Variants in ANKDD1A observed in about 807,000 individuals in gnomAD.
ANKDD1A encodes ankyrin repeat and death domain containing 1A.
A neutral mutation model predicts 63.5 loss-of-function variants in ANKDD1A; 59 were observed. The ratio of observed to expected loss-of-function variants is 0.93; its 90% confidence interval spans 0.75 to 1.15. The LOEUF (loss-of-function observed/expected upper bound fraction) is 1.15. ANKDD1A is among the 50% of genes most tolerant of loss of function. The pLI is 0.00. For missense variants in ANKDD1A, 632 were observed against 656.4 expected (o/e 0.96, Z 0.41); for synonymous variants, 266 against 263.9 (o/e 1.01, Z -0.08).
At chr15:64,954,681 C>CT (rs2085394238) in intron 14 of ANKDD1A, among the ~76,000 whole-genome samples, 1 of 137,456 alleles carries the variant, frequency 7.3e-6, no homozygotes, top group African/African-American at 2.6e-5. Context: ...TCTTCTTCTT[C>CT]TCTCCTTCTC....
At chr15:64,954,905 CTTGT>C (rs768548291) in intron 14 of ANKDD1A, among the ~76,000 whole-genome samples, 1 of 123,492 alleles carries the variant, frequency 8.1e-6, no homozygotes, top group African/African-American at 2.9e-5. Flanking sequence ...TCCTTCTTCT[CTTGT>C]CTCTTCTCTC....
intron 12 of ANKDD1A, 60 bp from the exon 13 acceptor site, chr15:64,947,344 C>A: frequency 6.4e-7 from 1 of 1,563,368 alleles, no homozygotes; most frequent in East Asian, 2.3e-5. Flanking sequence ...CTCGGCTCGG[C>A]ACTGCCCCTG....
intron 8 of ANKDD1A, 45 bp downstream of exon 8, chr15:64,931,630 G>A: frequency 1.3e-6 from 2 of 1,594,772 alleles, no homozygotes; most frequent in South Asian, 1.1e-5. Context: ...TGGCTGCTGA[G>A]CCATAGCCAT....
intron 11 of ANKDD1A, 174 bp downstream of exon 11, chr15:64,943,756 C>T: frequency 1.6e-6 from 1 of 637,124 alleles, no homozygotes; most frequent in Non-Finnish European, 2.8e-6. Context: ...CTTCCACCAC[C>T]TTCCCCTCTC....
chr15:64,921,485 C>T (rs1308191960), intron 3 of ANKDD1A, among the ~76,000 whole-genome samples: 3 of 152,182 alleles, frequency 2.0e-5, no homozygotes, highest in Non-Finnish European at 4.4e-5. Flanking sequence ...AGCGATTCTC[C>T]TGCCTCAACC....
At chr15:64,927,422 T>C (rs577405157) in intron 6 of ANKDD1A, among the ~76,000 whole-genome samples, 1 of 152,244 alleles carries the variant, frequency 6.6e-6, no homozygotes, top group Non-Finnish European at 1.5e-5. Context: ...TGCTCTGCTA[T>C]GGTTATGGCA....
intron 14 of ANKDD1A, chr15:64,951,407 TTTTC>T (rs1381334027): frequency 5.4e-4 from 55 of 101,254 alleles, no homozygotes; most frequent in African/African-American, 1.1e-3. Context: ...CTTTTTTCTT[TTTTC>T]TTTTCTTCCT....
intron 9 of ANKDD1A, among the ~76,000 whole-genome samples, chr15:64,939,639 T>C (rs867399353): frequency 6.6e-6 from 1 of 152,072 alleles, no homozygotes; most frequent in South Asian, 2.1e-4. Context: ...AAAAAAAATA[T>C]AAAGCTGCAG....
intron 14 of ANKDD1A, chr15:64,951,237 TGG>T (rs1184667730): frequency 1.3e-5 from 13 of 987,310 alleles, no homozygotes; most frequent in Admixed American, 6.2e-5. Flanking sequence ...CCAACAGGTA[TGG>T]TCCTTTTGAG....
At chr15:64,913,018 C>T (rs986860791) in intron 1 of ANKDD1A, among the ~76,000 whole-genome samples, 5 of 152,076 alleles carry the variant, frequency 3.3e-5, no homozygotes, top group African/African-American at 7.2e-5. Context: ...AAGAGGGTGC[C>T]GGATGGGAGG....
intron 12 of ANKDD1A, among the ~76,000 whole-genome samples, chr15:64,947,085 G>A (rs2140381980): frequency 6.6e-6 from 1 of 152,306 alleles, no homozygotes. Flanking sequence ...AGAGGCAGGT[G>A]ACCGGAGGAA....
At chr15:64,917,259 G>A in intron 2 of ANKDD1A, 127 bp from the exon 3 acceptor site, 1 of 1,268,970 alleles carries the variant, frequency 7.9e-7, no homozygotes, top group Non-Finnish European at 1.0e-6. Flanking sequence ...TCCCCAGCTA[G>A]CTGGGGACCA....
chr15:64,929,494 C>G (rs1301224593), intron 6 of ANKDD1A, among the ~76,000 whole-genome samples: 1 of 152,186 alleles, frequency 6.6e-6, no homozygotes, highest in Non-Finnish European at 1.5e-5. Context: ...AGGACAACCC[C>G]ACGCAGGCTG....
chr15:64,938,812 G>C (rs535917086), intron 9 of ANKDD1A, among the ~76,000 whole-genome samples: 2 of 152,174 alleles, frequency 1.3e-5, no homozygotes, highest in Admixed American at 1.3e-4. Context: ...GGGTGTGGTG[G>C]TGGGCGCCTG....
Position 64,934,205 on chromosome 15 carries a change from G to A in ANKDD1A, c.838G>A (p.Ala280Thr), listed in dbSNP as rs755542121. The A allele has an allele frequency of 3.6e-5, 58 of 1,612,020 alleles. 1 individual carries two copies. Among genetic ancestry groups the A allele is most frequent in the Admixed American group, 3.3e-4 (20 of 59,836 alleles). The change falls in exon 9 of 15, where the codon GCA (alanine) becomes ACA (threonine). Residue 280 changes from alanine (A) to threonine (T), a missense_variant. Physicochemically the swap from Ala to Thr is moderately conservative, Grantham distance 58 (BLOSUM62 0). Coordinates refer to ENST00000319580, the MANE Select transcript of ANKDD1A (RefSeq NM_182703.6). ...GGATGTGTCTCGGGTCCTCATCCAC[G>A]CAGGAGGCTGCGCCAACGTGGTTGA... ...SEDVSRVLIH[A>T]GGCANVVDHQ...
intron 14 of ANKDD1A, among the ~76,000 whole-genome samples, chr15:64,956,037 G>GA (rs2085413504): frequency 6.6e-6 from 1 of 152,094 alleles, no homozygotes; most frequent in South Asian, 2.1e-4. Flanking sequence ...GTTCAGCAGT[G>GA]AAAAAAGGAT....
chr15:64,914,341 C>T (rs2084954327), intron 1 of ANKDD1A, among the ~76,000 whole-genome samples: 1 of 152,166 alleles, frequency 6.6e-6, no homozygotes. Flanking sequence ...GGCTGGAGTG[C>T]AGAGGTGCAA....
In ANKDD1A at chr15:64,953,653, CTT is replaced by C. The variant is rs1215934272; in HGVS notation, c.1484-3449_1484-3448del. Reference sequence around the variant, plus strand: ...TTCCTTCTTCTTCCTCTTCCTTCTCCTTCTTTTCTTTCTTCTCCTTCTTTTCT... The same window carrying C: ...TTCCTTCTTCTTCCTCTTCCTTCTCCCTTTTCTTTCTTCTCCTTCTTTTCT... On this transcript the variant is annotated intron_variant, in intron 14 of 14. Transcript: ENST00000319580. Among the ~76,000 whole-genome samples the C allele has an allele frequency of 9.7e-5, 13 of 133,458 alleles. 1 individual carries two copies. The highest frequency in any genetic ancestry group is 3.3e-4 in the African/African-American group (12 of 36,108). The allele number at this position is 133,458 out of a possible 152,430, so 87.6% of individuals were successfully genotyped here.
chr15:64,943,650 C>A (rs113840979), intron 11 of ANKDD1A, 68 bp downstream of exon 11: 3 of 1,356,518 alleles, frequency 2.2e-6, no homozygotes, highest in Middle Eastern at 1.8e-4. Context: ...GACCCTGCTA[C>A]GAATGCCCCC....
Sources: allele counts gnomAD v4.1 joint callset (sites outside exome capture counted in the v4.1 genomes callset), GRCh38; gene constraint gnomAD v4.1.1; transcripts MANE v1.5; gene names NCBI Gene and HGNC (gene_info 2026-07-23, HGNC 2026-07-21).